The following CHST11 variants were observed in gnomAD, a reference collection of about 807,000 sequenced individuals.
CHST11 encodes carbohydrate sulfotransferase 11, also known as C4S-1.
CHST11 carries 9 observed loss-of-function variants against 30.4 expected under a neutral mutation model. The observed-to-expected ratio is 0.30, with a 90% CI of 0.18 to 0.52. CHST11 has a LOEUF of 0.52. Among genes scored for constraint, CHST11 ranks in the 20% least tolerant of loss-of-function variants. CHST11 has a pLI of 0.97. For missense variants in CHST11, 348 were observed against 460.6 expected (o/e 0.76, Z 2.24); for synonymous variants, 152 against 187.8 (o/e 0.81, Z 1.56).
intron 1 of CHST11, among the ~76,000 whole-genome samples, chr12:104,596,385 A>G (rs1350978645): frequency 6.6e-6 from 1 of 152,240 alleles, no homozygotes; most frequent in Non-Finnish European, 1.5e-5. Flanking sequence ...TTGTTTTGCC[A>G]GCGGAAGGAG....
At chr12:104,558,351 A>G (rs752168687) in intron 1 of CHST11, among the ~76,000 whole-genome samples, 6 of 151,860 alleles carry the variant, frequency 4.0e-5, no homozygotes, top group Non-Finnish European at 7.4e-5. Context: ...TGTCTTTATG[A>G]TTTGTTTTAA....
chr12:104,741,717 A>G (rs780108384), intron 2 of CHST11, among the ~76,000 whole-genome samples: 1 of 152,192 alleles, frequency 6.6e-6, no homozygotes, highest in Admixed American at 6.5e-5. Context: ...ACAGATGACA[A>G]ATGTGTTTGG....
At chr12:104,510,023 A>G (rs758670088) in intron 1 of CHST11, among the ~76,000 whole-genome samples, 4 of 152,128 alleles carry the variant, frequency 2.6e-5, no homozygotes, top group Non-Finnish European at 5.9e-5. Context: ...AAGGTCATCT[A>G]CTTTTTTGGC....
intron 1 of CHST11, among the ~76,000 whole-genome samples, chr12:104,520,475 GC>G (rs1276834648): frequency 1.3e-5 from 2 of 152,006 alleles, no homozygotes; most frequent in Non-Finnish European, 2.9e-5. Context: ...CTGCTACTTA[GC>G]CACTTGTGTA....
chr12:104,749,017 T>A (rs546543021), intron 2 of CHST11, among the ~76,000 whole-genome samples: 1 of 152,334 alleles, frequency 6.6e-6, no homozygotes, highest in East Asian at 1.9e-4. Context: ...ATATAAACTT[T>A]CTTTTAGTAG....
intron 2 of CHST11, among the ~76,000 whole-genome samples, chr12:104,677,213 G>A (rs1046710091): frequency 6.6e-6 from 1 of 152,182 alleles, no homozygotes; most frequent in Non-Finnish European, 1.5e-5. Context: ...TAATGTTCCT[G>A]TAATAACAAA....
chr12:104,668,509 GTGGGCAA>G (rs1171565452), intron 2 of CHST11, among the ~76,000 whole-genome samples: 2 of 152,202 alleles, frequency 1.3e-5, no homozygotes, highest in African/African-American at 4.8e-5. Flanking sequence ...GACCACACAA[GTGGGCAA>G]CTGAATACAG....
At chr12:104,654,043 C>G (rs56310085) in intron 2 of CHST11, among the ~76,000 whole-genome samples, 12,248 of 152,232 alleles carry the variant, frequency 0.08, 521 homozygotes, top group Admixed American at 0.092. Flanking sequence ...GTAATGGAAC[C>G]CTGTATGGGT....
chr12:104,544,584 G>A (rs2038324474), intron 1 of CHST11, among the ~76,000 whole-genome samples: 1 of 151,884 alleles, frequency 6.6e-6, no homozygotes, highest in Non-Finnish European at 1.5e-5. Context: ...GCAGACACCT[G>A]TCATTCCAGC....
At chr12:104,624,354 C>T (rs1006117333) in intron 2 of CHST11, among the ~76,000 whole-genome samples, 10 of 152,096 alleles carry the variant, frequency 6.6e-5, no homozygotes, top group Non-Finnish European at 5.9e-5. Context: ...GTACTTAAGA[C>T]TGAATGTGTG....
chr12:104,457,171 A>G lies in CHST11; in HGVS notation c.-241A>G. On this transcript the variant is annotated 5_prime_UTR_variant, in exon 1 of 3. Coordinates refer to ENST00000303694, the MANE Select transcript of CHST11 (RefSeq NM_018413.6). ...CGGCGGAGCGGCGAGGAGGAGGAGC[A>G]GGAGCGCGCAGCCAGCGGGTCCACG... The G allele has an allele frequency of 2.9e-6, 1 of 342,080 alleles. No homozygotes were observed. Among genetic ancestry groups the G allele is most frequent in the Non-Finnish European group, 5.3e-6 (1 of 188,926 alleles). 21.2% of individuals were successfully genotyped at this position (342,080 alleles called of 1,614,324 possible).
intron 1 of CHST11, among the ~76,000 whole-genome samples, chr12:104,585,738 G>A (rs995303697): frequency 4.6e-5 from 7 of 152,280 alleles, no homozygotes; most frequent in South Asian, 2.1e-4. Flanking sequence ...GTTCTCCCAT[G>A]GTTCTAAAGG....
chr12:104,584,618 G>A lies in CHST11; in HGVS notation c.119-17288G>A, dbSNP rs115605758. ...TGTGTGTTTACACAACCAAGGTCCCGACCCACATAATATTTTGAATTCTGT... is the reference window on the plus strand; with the variant it reads ...TGTGTGTTTACACAACCAAGGTCCCAACCCACATAATATTTTGAATTCTGT... On this transcript the variant is annotated intron_variant, in intron 1 of 2. Coordinates refer to ENST00000303694, the MANE Select transcript of CHST11 (RefSeq NM_018413.6). 8.4e-3 allele frequency among the ~76,000 whole-genome samples: 1,284 copies of A among 152,172 alleles called. 20 individuals are homozygous for A. The highest frequency in any genetic ancestry group is 0.029 in the African/African-American group (1,214 of 41,498).
intron 2 of CHST11, among the ~76,000 whole-genome samples, chr12:104,688,987 A>C (rs1310574422): frequency 6.6e-6 from 1 of 152,264 alleles, no homozygotes; most frequent in African/African-American, 2.4e-5. Flanking sequence ...AGCTATTGTT[A>C]AATAAAAATA....
rs538952901 is a variant in CHST11, at chr12:104,659,326, CT to C, written c.204+57336del. The stretch of plus-strand genomic sequence containing the variant: ...TGTTTAGGGAGGATTCCTTGAGGGG[CT>C]GGCACATGATAATTGCTCAAGACAT... On this transcript the variant is annotated intron_variant, in intron 2 of 2. Coordinates refer to ENST00000303694, the MANE Select transcript of CHST11 (RefSeq NM_018413.6). 3.2e-3 allele frequency among the ~76,000 whole-genome samples: 493 copies of C among 152,294 alleles called. 2 individuals are homozygous for C. Among genetic ancestry groups the C allele is most frequent in the Middle Eastern group, 6.8e-3 (2 of 294 alleles).
chr12:104,694,511 A>G (rs1165516824), intron 2 of CHST11, among the ~76,000 whole-genome samples: 1 of 152,024 alleles, frequency 6.6e-6, no homozygotes, highest in Non-Finnish European at 1.5e-5. Flanking sequence ...TTTTGTGGTC[A>G]TTTTCTTAAA....
At chr12:104,623,524 A>G (rs1233697124) in intron 2 of CHST11, among the ~76,000 whole-genome samples, 1 of 152,182 alleles carries the variant, frequency 6.6e-6, no homozygotes, top group African/African-American at 2.4e-5. Flanking sequence ...TAGCCTGACC[A>G]ACATGGAGAA....
chr12:104,697,043 C>G (rs1193970486), intron 2 of CHST11, among the ~76,000 whole-genome samples: 1 of 152,120 alleles, frequency 6.6e-6, no homozygotes, highest in Non-Finnish European at 1.5e-5. Flanking sequence ...AAATTGCTTC[C>G]ATTTTTTTAT....
intron 2 of CHST11, among the ~76,000 whole-genome samples, chr12:104,728,838 G>T (rs1360765784): frequency 6.6e-6 from 1 of 152,204 alleles, no homozygotes; most frequent in Non-Finnish European, 1.5e-5. Flanking sequence ...GCAGACATGA[G>T]TGTGGAGATG....
Sources: gnomAD v4.1 joint callset for allele counts (sites outside exome capture counted in the v4.1 genomes callset) on GRCh38, gnomAD v4.1.1 for gene constraint, MANE v1.5 for transcripts, NCBI Gene and HGNC (gene_info 2026-07-23, HGNC 2026-07-21) for gene names.